SLC8A1: variants seen among roughly 807,000 people sequenced by gnomAD.
The protein encoded by SLC8A1 is sodium/calcium exchanger 1.
SLC8A1 carries 18 observed loss-of-function variants against 68.3 expected under a neutral mutation model. That is an observed-to-expected ratio of 0.26 (90% CI 0.18 to 0.39). SLC8A1 has a LOEUF of 0.39. Ranked by LOEUF, SLC8A1 falls within the 10% of genes least tolerant of loss-of-function variation. SLC8A1 has a pLI of 1.00. For missense variants in SLC8A1, 985 were observed against 1,156.7 expected, an observed-to-expected ratio of 0.85 and a Z score of 2.15; for synonymous variants, 475 against 415.5, an observed-to-expected ratio of 1.14 and a Z score of -1.74.
intron 2 of SLC8A1, among the ~76,000 whole-genome samples, chr2:40,233,508 A>C (rs1304805661): frequency 2.1e-5 from 3 of 142,710 alleles, no homozygotes; most frequent in Non-Finnish European, 3.1e-5. Flanking sequence ...CCTTTGTCAG[A>C]TGAGTAGGTT....
chr2:40,337,643 A>T (rs1666397155), intron 2 of SLC8A1, among the ~76,000 whole-genome samples: 1 of 152,036 alleles, frequency 6.6e-6, no homozygotes, highest in Non-Finnish European at 1.5e-5. Context: ...CAATCTCCTA[A>T]ACCTTTCCCC....
intron 2 of SLC8A1, chr2:40,254,559 A>G (rs547254391): frequency 4.6e-5 from 7 of 152,176 alleles, no homozygotes; most frequent in African/African-American, 1.7e-4. Flanking sequence ...ACTCTTGAAA[A>G]TATCATTTTC....
chr2:40,293,170 A>G (rs2069652451), intron 2 of SLC8A1, among the ~76,000 whole-genome samples: 2 of 152,102 alleles, frequency 1.3e-5, no homozygotes, highest in Admixed American at 6.5e-5. Context: ...CTCCTATTCA[A>G]TGTCTATTGA....
At chr2:40,450,393 C>T (rs1260664579) in intron 1 of SLC8A1, among the ~76,000 whole-genome samples, 1 of 151,710 alleles carries the variant, frequency 6.6e-6, no homozygotes, top group African/African-American at 2.4e-5. Flanking sequence ...CTGGTGGGGG[C>T]ATGGGAAAGA....
intron 2 of SLC8A1, among the ~76,000 whole-genome samples, chr2:40,408,069 G>T (rs933534607): frequency 6.6e-6 from 1 of 152,142 alleles, no homozygotes; most frequent in Non-Finnish European, 1.5e-5. Flanking sequence ...TAATCTTCCA[G>T]CATGCCAGAA....
chr2:40,241,266 C>T (rs966177108), intron 2 of SLC8A1, among the ~76,000 whole-genome samples: 4 of 152,140 alleles, frequency 2.6e-5, no homozygotes, highest in Admixed American at 1.3e-4. Flanking sequence ...CCAAATACCA[C>T]GTGTTCTCAC....
chr2:40,173,203 A>C (rs2047851817), intron 4 of SLC8A1, among the ~76,000 whole-genome samples: 1 of 152,266 alleles, frequency 6.6e-6, no homozygotes. Flanking sequence ...GGGATAACTC[A>C]TTTATCCTTG....
At chr2:40,357,356 A>T (rs571718016) in intron 2 of SLC8A1, among the ~76,000 whole-genome samples, 15 of 151,260 alleles carry the variant, frequency 9.9e-5, no homozygotes, top group Middle Eastern at 3.4e-3. Context: ...AATTAGCCAA[A>T]TGTGGTGGTG....
chr2:40,486,671 T>C (rs953415061), intron 1 of SLC8A1, among the ~76,000 whole-genome samples: 5 of 152,088 alleles, frequency 3.3e-5, no homozygotes, highest in Admixed American at 2.0e-4. Context: ...AACCACACCA[T>C]GTTAATGAGG....
At position 40,390,436 on chromosome 2, in the gene SLC8A1, T is replaced by C. The variant is rs770529287; in HGVS notation, c.1808+38037A>G. 3.9e-5 allele frequency among the ~76,000 whole-genome samples: 6 copies of C among 152,208 alleles called. No homozygotes were observed. In the East Asian group the frequency reaches 5.8e-4, roughly 15 times the overall value. ...ATTCTAAATAGTTACAGAAACATAA[T>C]TGTGATTCAAGTGGTTCTCCAAGTA... is the stretch of plus-strand genomic sequence containing the variant. On this transcript the variant is annotated intron_variant, in intron 2 of 7. Coordinates refer to ENST00000406785, the Ensembl canonical transcript of SLC8A1.
At chr2:40,469,448 G>A (rs1703882770) in intron 1 of SLC8A1, among the ~76,000 whole-genome samples, 1 of 152,092 alleles carries the variant, frequency 6.6e-6, no homozygotes, top group Admixed American at 6.5e-5. Context: ...TCCCAGTCAT[G>A]CTTTCTGTTA....
chr2:40,457,389 A>G (rs765446295), intron 1 of SLC8A1, among the ~76,000 whole-genome samples: 8 of 152,188 alleles, frequency 5.3e-5, no homozygotes, highest in Non-Finnish European at 8.8e-5. Context: ...TTTATGATAT[A>G]TATCTCCCTC....
intron 2 of SLC8A1, among the ~76,000 whole-genome samples, chr2:40,179,757 T>G (rs1054449319): frequency 7.2e-5 from 11 of 152,210 alleles, no homozygotes; most frequent in African/African-American, 2.7e-4. Context: ...CCATTAAGTT[T>G]CATTAGATCT....
intron 2 of SLC8A1, among the ~76,000 whole-genome samples, chr2:40,354,937 G>C (rs1229000078): frequency 2.0e-5 from 3 of 152,074 alleles, no homozygotes; most frequent in African/African-American, 7.2e-5. Context: ...TGAGGCAATT[G>C]TGGCATAAAG....
chr2:40,429,182 G>C, exon 2 of SLC8A1: 1 of 1,613,702 alleles, frequency 6.2e-7, no homozygotes, highest in Non-Finnish European at 8.5e-7. Flanking sequence ...CGAGTAGCTT[G>C]AATGCGATAA....
intron 2 of SLC8A1, among the ~76,000 whole-genome samples, chr2:40,184,833 C>T (rs2050348135): frequency 7.0e-6 from 1 of 142,814 alleles, no homozygotes; most frequent in Non-Finnish European, 1.5e-5. Flanking sequence ...ATCCACAGTA[C>T]ACTTGATGTT....
intron 2 of SLC8A1, among the ~76,000 whole-genome samples, chr2:40,384,805 AT>A (rs1042435310): frequency 6.6e-6 from 1 of 151,934 alleles, no homozygotes. Flanking sequence ...AGCTTTTACA[AT>A]TTTTTCCCGG....
At chr2:40,435,613 G>A (rs898747045) in intron 1 of SLC8A1, among the ~76,000 whole-genome samples, 5 of 152,058 alleles carry the variant, frequency 3.3e-5, no homozygotes, top group African/African-American at 4.8e-5. Flanking sequence ...AAAAATACCC[G>A]CTGAAATTGT....
intron 2 of SLC8A1, among the ~76,000 whole-genome samples, chr2:40,356,936 T>C (rs1023250534): frequency 1.3e-5 from 2 of 152,168 alleles, no homozygotes; most frequent in African/African-American, 2.4e-5. Flanking sequence ...ATGTTTTCTC[T>C]GCTTCTTGTC....
Sources: gnomAD v4.1 joint callset for allele counts (sites outside exome capture counted in the v4.1 genomes callset) on GRCh38, gnomAD v4.1.1 for gene constraint, MANE v1.5 for transcripts, NCBI Gene and HGNC (gene_info 2026-07-23, HGNC 2026-07-21) for gene names.